Variants in SLC25A18 observed in about 807,000 individuals in gnomAD.
SLC25A18 encodes the protein solute carrier family 25 member 18, also known as mitochondrial glutamate carrier 2.
A neutral mutation model predicts 31.1 loss-of-function variants in SLC25A18; 24 were observed. That is an observed-to-expected ratio of 0.77 (90% CI 0.56 to 1.08). The LOEUF is 1.08. Among genes scored for constraint, SLC25A18 ranks in the 50% least tolerant of loss-of-function variants. The pLI is 0.00. For missense variants in SLC25A18, 371 were observed against 418.5 expected (o/e 0.89, Z 0.99); for synonymous variants, 173 against 161.9 (o/e 1.07, Z -0.52).
In SLC25A18 at chr22:17,588,190, G is replaced by GGAGGCTCACTA. The variant is rs1247883667; in HGVS notation, c.730+117_730+127dup. 83 of 1,318,032 alleles carry GGAGGCTCACTA rather than the reference G, an allele frequency of 6.3e-5. No homozygotes were observed. In the African/African-American group the frequency reaches 1.2e-3, roughly 19 times the overall value. The allele number at this position is 1,318,032 out of a possible 1,614,324, so 81.6% of individuals were successfully genotyped here. ...ACTGGGTTGCAATCTGGCTGCTGGCGGAGGCTCACTAGAGGCCCTCATGGA... is the reference window on the plus strand; with the variant it reads ...ACTGGGTTGCAATCTGGCTGCTGGCGGAGGCTCACTAGAGGCTCACTAGAGGCCCTCATGGA... On this transcript the variant is annotated intron_variant, in intron 9 of 10. Transcript: ENST00000327451.
chr22:17,584,446 G>GGAGAGA (rs60872688), intron 7 of SLC25A18, among the ~76,000 whole-genome samples: 90 of 116,926 alleles, frequency 7.7e-4, no homozygotes, highest in African/African-American at 2.2e-3. Flanking sequence ...AAGGAAGGAA[G>GGAGAGA]GAGAGAGAGA....
intron 2 of SLC25A18, among the ~76,000 whole-genome samples, chr22:17,575,752 C>T (rs1234046219): frequency 6.6e-6 from 1 of 152,184 alleles, no homozygotes; most frequent in Non-Finnish European, 1.5e-5. Flanking sequence ...CACCTTTTGA[C>T]ACTAAGAACA....
In SLC25A18 at chr22:17,581,238, AGC is replaced by A; in HGVS notation, c.143+85_143+86del. 1.6e-5 allele frequency: 25 copies of A among 1,545,448 alleles called. No homozygotes were observed. In the South Asian group the frequency reaches 2.4e-4, roughly 15 times the overall value. On this transcript the variant is annotated intron_variant, in intron 4 of 10. Transcript: ENST00000327451. ...GCCCCCTTCCCTCCAGTCTCCAGGC[AGC>A]GCGCGTGAGCCTGGGGGCTGGGGAT...
intron 3 of SLC25A18, 181 bp from the exon 4 acceptor site, chr22:17,580,856 G>A (rs367957304): frequency 3.0e-6 from 4 of 1,329,564 alleles, no homozygotes; most frequent in Admixed American, 3.7e-5. Flanking sequence ...TGCCTCACCC[G>A]GGTGAGTGCG....
At chr22:17,579,608 C>T (rs754139052) in intron 2 of SLC25A18, 137 bp from the exon 3 acceptor site, 6 of 545,646 alleles carry the variant, frequency 1.1e-5, no homozygotes, top group African/African-American at 5.9e-5. Context: ...TCCAAAAGTT[C>T]GAGGATTCTG....
chr22:17,569,488 A>C, intron 1 of SLC25A18: 1 of 416,500 alleles, frequency 2.4e-6, no homozygotes, highest in Non-Finnish European at 3.2e-6. Context: ...GGTTATCAGC[A>C]GTAAGAAAAG....
rs542439867 is a variant in SLC25A18 at position 17,586,820 on chromosome 22, C to G, written c.410-316C>G. Among the ~76,000 whole-genome samples the G allele has an allele frequency of 3.3e-5, 5 of 152,256 alleles. No individual in the cohort carries two copies. The South Asian group carries it at 6.2e-4, about 19-fold the overall frequency. ...AATGGTTTAGAAATGGAAGCCAGAT[C>G]AAAACCAGTTTTAATGGGAGGGTAA... is the stretch of plus-strand genomic sequence containing the variant. On this transcript the variant is annotated intron_variant, in intron 7 of 10. Transcript: ENST00000327451.
intron 5 of SLC25A18, chr22:17,582,289 T>C (rs1469054802): frequency 1.3e-5 from 3 of 236,986 alleles, no homozygotes; most frequent in Non-Finnish European, 2.5e-5. Flanking sequence ...GGCAGGAGAA[T>C]GGCGCGAACC....
In SLC25A18 at chr22:17,590,368, C is replaced by T. The variant is rs761626241; in HGVS notation, c.*132C>T. 18 of 1,053,158 alleles carry T rather than the reference C, an allele frequency of 1.7e-5. No individual in the cohort carries two copies. Among genetic ancestry groups the T allele is most frequent in the South Asian group, 4.9e-5 (3 of 61,706 alleles). The allele number at this position is 1,053,158 out of a possible 1,614,324, so 65.2% of individuals were successfully genotyped here. On this transcript the variant is annotated 3_prime_UTR_variant, in exon 11 of 11. Transcript: ENST00000327451. ...CTGCGTTGTAGTGCTACCTCAATCT[C>T]GGGAGAAACAGCCCTATATTCTAAC... is the stretch of plus-strand genomic sequence containing the variant.
Position 17,587,182 on chromosome 22 carries a change from C to T in SLC25A18, c.456C>T (p.Ser152=). 6.2e-7 allele frequency: 1 copy of T among 1,614,194 alleles called. No homozygotes were observed. The highest frequency in any genetic ancestry group is 8.5e-7 in the Non-Finnish European group (1 of 1,180,040). ...GSASAPSTSR[S]YTTGSASTHR... ...CCTCAGCACCCTCCACCTCCAGGTC[C>T]TACACAACTGGTTCGGCTTCCACCC... is the stretch of plus-strand genomic sequence containing the variant. Residue 152 remains serine, a synonymous_variant, in exon 8 of 11, where the codon TCC becomes TCT. Transcript: ENST00000327451.
chr22:17,584,070 T>C, intron 7 of SLC25A18: 1 of 985,256 alleles, frequency 1.0e-6, no homozygotes, highest in Non-Finnish European at 1.2e-6. Context: ...TCACATTTTC[T>C]TCACAATTAG....
intron 2 of SLC25A18, 36 bp from the exon 3 acceptor site, chr22:17,579,709 A>C: frequency 7.4e-7 from 1 of 1,350,588 alleles, no homozygotes; most frequent in South Asian, 2.0e-5. Context: ...GTCCTCGCCC[A>C]TCTGTGAGGT....
At chr22:17,569,633 C>A (rs1019947055) in intron 1 of SLC25A18, 2 of 985,380 alleles carry the variant, frequency 2.0e-6, no homozygotes, top group Non-Finnish European at 2.4e-6. Context: ...TCTCCCCTCA[C>A]CCCCAAGCTG....
At chr22:17,574,523 A>C (rs76109161) in intron 2 of SLC25A18, among the ~76,000 whole-genome samples, 3 of 134,532 alleles carry the variant, frequency 2.2e-5, no homozygotes, top group South Asian at 2.3e-4. Flanking sequence ...TTTTTTTTTT[A>C]TTTTTTTTTT....
At chr22:17,566,660 C>A (rs1331852128) in intron 1 of SLC25A18, among the ~76,000 whole-genome samples, 1 of 152,202 alleles carries the variant, frequency 6.6e-6, no homozygotes, top group Non-Finnish European at 1.5e-5. Context: ...GATCCGCCCA[C>A]CTCAGCCTCC....
intron 3 of SLC25A18, chr22:17,580,578 C>G: frequency 1.0e-6 from 1 of 991,910 alleles, no homozygotes; most frequent in Non-Finnish European, 1.2e-6. Flanking sequence ...TTTCCATAGT[C>G]CTCAGCAACC....
intron 7 of SLC25A18, among the ~76,000 whole-genome samples, chr22:17,584,555 G>A (rs556030332): frequency 5.3e-5 from 8 of 151,204 alleles, no homozygotes; most frequent in South Asian, 2.1e-4. Flanking sequence ...CGAGGCAGGC[G>A]GATCACCTGA....
chr22:17,578,033 G>A lies in SLC25A18; in HGVS notation c.-200-1712G>A, dbSNP rs575977315. On this transcript the variant is annotated intron_variant, in intron 2 of 10. Coordinates refer to ENST00000327451, the MANE Select transcript of SLC25A18 (RefSeq NM_031481.3). ...AGGGTTTCGCTCTGTTGCCCAGGCTGGAGTGTAGTGGTGTGATCTTGACTC... is the reference window on the plus strand; with the variant it reads ...AGGGTTTCGCTCTGTTGCCCAGGCTAGAGTGTAGTGGTGTGATCTTGACTC... Among the ~76,000 whole-genome samples the A allele has an allele frequency of 2.0e-5, 3 of 149,944 alleles. No homozygotes were observed. The South Asian group carries it at 6.4e-4, about 32-fold the overall frequency.
intron 2 of SLC25A18, among the ~76,000 whole-genome samples, chr22:17,577,627 C>T (rs2057264066): frequency 1.4e-5 from 2 of 141,276 alleles, no homozygotes; most frequent in South Asian, 4.5e-4. Flanking sequence ...GTCACCCAGG[C>T]TGGAGTGCAG....
Sources: allele counts gnomAD v4.1 joint callset (sites outside exome capture counted in the v4.1 genomes callset), GRCh38; gene constraint gnomAD v4.1.1; transcripts MANE v1.5; gene names NCBI Gene and HGNC (gene_info 2026-07-23, HGNC 2026-07-21).